The following RYR1 variants were observed in gnomAD, a reference collection of about 807,000 sequenced individuals.
RYR1 encodes ryanodine receptor 1.
Under a neutral mutation model 583.5 loss-of-function variants are expected in RYR1, and 342 were observed. That is an observed-to-expected ratio of 0.59 (90% CI 0.54 to 0.64). RYR1 has a LOEUF of 0.64. RYR1 is among the 30% of genes least tolerant of loss of function. The probability of loss-of-function intolerance (pLI) is 0.00; values close to 1 mark genes in which losing one functional copy is unlikely to be tolerated. For missense variants in RYR1, 6,032 were observed against 6,917.2 expected (o/e 0.87, Z 4.54); for synonymous variants, 2,791 against 2,822.5 (o/e 0.99, Z 0.35).
At chr19:38,516,948 G>C (rs1031348015) in intron 65 of RYR1, among the ~76,000 whole-genome samples, 5 of 152,136 alleles carry the variant, frequency 3.3e-5, no homozygotes, top group Non-Finnish European at 7.3e-5. Flanking sequence ...CAGCAAGTGA[G>C]CAAGTGACAG....
rs767200020 is a variant in RYR1 at position 38,492,530 on chromosome 19, G to A, written c.6168G>A (p.Glu2056=). 7 of 1,614,136 alleles carry A rather than the reference G, an allele frequency of 4.3e-6. No homozygotes were observed. Among genetic ancestry groups the A allele is most frequent in the Middle Eastern group, 1.6e-4 (1 of 6,062 alleles). The change falls in exon 38 of 106, where the codon GAG becomes GAA. Residue 2056 remains glutamate, a synonymous_variant. Transcript: ENST00000359596. The part of the protein sequence containing the change: ...LDGEEEEPEE[E]TTLGSRLMSL... ...GAGAGGAGGAGGAACCAGAGGAAGAGACCACCCTGGGCAGCCGCCTCATGA... is the reference window on the plus strand; with the variant it reads ...GAGAGGAGGAGGAACCAGAGGAAGAAACCACCCTGGGCAGCCGCCTCATGA...
intron 23 of RYR1, 102 bp from the exon 24 acceptor site, chr19:38,465,989 G>A (rs1393903737): frequency 1.7e-5 from 19 of 1,137,990 alleles, no homozygotes; most frequent in East Asian, 2.6e-5. Context: ...GGTCAGAAAC[G>A]CCGAAGCTGG....
At position 38,507,700 on chromosome 19, in the gene RYR1, A is replaced by G. The variant is rs1014453524; in HGVS notation, c.8817-12A>G. ...CGTCTGGGCTGATCCTTCTCTCCAC[A>G]TCTCCATGCAGAGGCCTTAAGGACA... On this transcript the variant is annotated splice_polypyrimidine_tract_variant and intron_variant, in intron 57 of 105. Coordinates refer to ENST00000359596, the MANE Select transcript of RYR1 (RefSeq NM_000540.3). 2.6e-6 allele frequency: 4 copies of G among 1,558,924 alleles called. No homozygotes were observed. Among genetic ancestry groups the G allele is most frequent in the Non-Finnish European group, 3.5e-6 (4 of 1,129,966 alleles).
chr19:38,527,112 G>A, intron 72 of RYR1, 60 bp downstream of exon 72: 1 of 1,574,452 alleles, frequency 6.4e-7, no homozygotes, highest in Admixed American at 1.7e-5. Flanking sequence ...CAATATTAGT[G>A]AAGGTTTGAG....
In RYR1 at chr19:38,531,350, C is replaced by T. The variant is rs185613439; in HGVS notation, c.11142-1140C>T. Among the ~76,000 whole-genome samples, 280 of 152,004 alleles carry T rather than the reference C, an allele frequency of 1.8e-3. 2 individuals are homozygous for T. Among genetic ancestry groups the T allele is most frequent in the Admixed American group, 9.6e-3 (146 of 15,252 alleles). On this transcript the variant is annotated intron_variant, in intron 76 of 105. Coordinates refer to ENST00000359596, the MANE Select transcript of RYR1 (RefSeq NM_000540.3). The stretch of plus-strand genomic sequence containing the variant: ...CGAGAAGGGTCTTTGTATCTTAGTT[C>T]CCCCACCGATAAAATAGGGCTATTA...
rs1023597741 is a variant in RYR1 at position 38,452,873 on chromosome 19, G to A, written c.1299G>A (p.Thr433=). The A allele has an allele frequency of 3.5e-5, 57 of 1,610,318 alleles. No homozygotes were observed. The highest frequency in any genetic ancestry group is 4.4e-5 in the Non-Finnish European group (52 of 1,178,400). ...GGGGCTCGGGGCCACCCGCTGGCACGGCGCTGCCCATCGAGGGCGTTATCC... is the reference window on the plus strand; with the variant it reads ...GGGGCTCGGGGCCACCCGCTGGCACAGCGCTGCCCATCGAGGGCGTTATCC... ...KPRGSGPPAG[T]ALPIEGVILS... is the part of the protein sequence containing the mutation. The change falls in exon 13 of 106, where the codon ACG becomes ACA. Residue 433 remains threonine (T), a synonymous_variant. Coordinates refer to ENST00000359596, the MANE Select transcript of RYR1 (RefSeq NM_000540.3).
intron 33 of RYR1, among the ~76,000 whole-genome samples, chr19:38,484,351 G>A (rs929108394): frequency 8.0e-5 from 12 of 150,882 alleles, no homozygotes; most frequent in Admixed American, 7.3e-4. Context: ...CTTCTGACAT[G>A]CCTCTTTCTT....
rs1410188704 is a variant in RYR1 at position 38,565,270 on chromosome 19, C to CCTGCGGCGGCGCGTGCGGCGG, written c.12947_12967dup (p.Arg4316_Arg4322dup). 12 of 995,076 alleles carry CCTGCGGCGGCGCGTGCGGCGG rather than the reference C, an allele frequency of 1.2e-5. No individual in the cohort carries two copies. Among genetic ancestry groups the CCTGCGGCGGCGCGTGCGGCGG allele is most frequent in the Non-Finnish European group, 1.4e-5 (12 of 838,086 alleles). The allele number at this position is 995,076 out of a possible 1,614,324, so 61.6% of individuals were successfully genotyped here. A position where few individuals can be genotyped will look rare whatever the true frequency, so the allele number is the denominator to read the frequency against. Reference sequence around the variant, plus strand: ...CCCTGCGAGGCCTCAGCTACCGCAGCCTGCGGCGGCGCGTGCGGCGGCTGC... The same window carrying CCTGCGGCGGCGCGTGCGGCGG: ...CCCTGCGAGGCCTCAGCTACCGCAGCCTGCGGCGGCGCGTGCGGCGGCTGCGGCGGCGCGTGCGGCGGCTGC... On this transcript the variant is annotated inframe_insertion, in exon 91 of 106. Transcript: ENST00000359596. The surrounding 1 kb of genome is among the most constrained non-coding windows in gnomAD (Gnocchi z 4.7).
At chr19:38,453,058 G>A in intron 13 of RYR1, 44 bp downstream of exon 13, 1 of 1,599,024 alleles carries the variant, frequency 6.3e-7, no homozygotes, top group Non-Finnish European at 8.5e-7. Flanking sequence ...GGGCCCAGGG[G>A]GCGGGACCAC....
rs1969857288 is a variant in RYR1, at chr19:38,496,881, T to C, written c.6818T>C (p.Leu2273Pro). The C allele has an allele frequency of 6.2e-7, 1 of 1,613,224 alleles. No individual in the cohort carries two copies. Among genetic ancestry groups the C allele is most frequent in the Admixed American group, 1.7e-5 (1 of 60,002 alleles). ...GCAGGCATGCAGGGCTCCACGCCCC[T>C]GGACGTGGCTGCTGCCTCCGTCATT... ...IGLGMQGSTP[L>P]DVAAASVIDN... The change falls in exon 42 of 106, where the codon CTG becomes CCG. Residue 2273 changes from leucine (L) to proline (P), a missense_variant. Physicochemically the swap from Leu to Pro is moderately conservative, Grantham distance 98. This residue lies in a region of RYR1 where 2,627 missense variants were observed against 2,961.3 expected (regional missense o/e 0.89). Transcript: ENST00000359596. The surrounding 1 kb of genome is among the most constrained non-coding windows in gnomAD (Gnocchi z 4.8).
chr19:38,501,156 A>T (rs1224742058), intron 47 of RYR1, among the ~76,000 whole-genome samples, 166 bp downstream of exon 47: 2 of 152,204 alleles, frequency 1.3e-5, no homozygotes, highest in African/African-American at 4.8e-5. Flanking sequence ...AGAAACACTG[A>T]ATTCCGATGA....
In RYR1 at chr19:38,499,356, C is replaced by G. The variant is rs778271908; in HGVS notation, c.7027+113C>G. On this transcript the variant is annotated intron_variant, in intron 43 of 105. Coordinates refer to ENST00000359596, the MANE Select transcript of RYR1 (RefSeq NM_000540.3). The surrounding 1 kb of genome is among the most constrained non-coding windows in gnomAD (Gnocchi z 7.3). ...ACAGATGGGGTCCAGGCAGGAATCCCTTCCAGCAGGCCTGGGGCTGGCAGG... is the reference window on the plus strand; with the variant it reads ...ACAGATGGGGTCCAGGCAGGAATCCGTTCCAGCAGGCCTGGGGCTGGCAGG... 5 of 1,543,224 alleles carry G rather than the reference C, an allele frequency of 3.2e-6. No homozygotes were observed. The highest frequency in any genetic ancestry group is 4.5e-6 in the Non-Finnish European group (5 of 1,121,120).
chr19:38,584,277 C>G, intron 101 of RYR1, among the ~76,000 whole-genome samples: 1 of 135,668 alleles, frequency 7.4e-6, no homozygotes, highest in Non-Finnish European at 1.6e-5. Context: ...CTATCCTGGC[C>G]CTGATCCCTA....
At chr19:38,438,697 C>T (rs1568430053) in intron 1 of RYR1, among the ~76,000 whole-genome samples, 3 of 135,032 alleles carry the variant, frequency 2.2e-5, no homozygotes, top group Admixed American at 8.4e-5. Flanking sequence ...CGGCTCACTA[C>T]AAGCTCCGCC....
In RYR1 at chr19:38,565,345, G is replaced by A; in HGVS notation, c.13011G>A (p.Trp4337Ter). The change falls in exon 91 of 106, where the codon TGG (tryptophan) becomes TGA (stop). Residue 4337 changes from tryptophan to a stop codon, truncating the protein, a stop_gained. Coordinates refer to ENST00000359596, the MANE Select transcript of RYR1 (RefSeq NM_000540.3). LOFTEE classifies it high-confidence loss of function. The surrounding 1 kb of genome is among the most constrained non-coding windows in gnomAD (Gnocchi z 4.7). ...EAATAVAALL[W>*]AAVTRAGAAG... is the part of the protein sequence containing the mutation. The stretch of plus-strand genomic sequence containing the variant: ...CCACCGCAGTGGCGGCGCTGCTCTG[G>A]GCAGCAGTGACGCGCGCTGGGGCCG... The A allele has an allele frequency of 7.8e-7, 1 of 1,289,450 alleles. No individual in the cohort carries two copies. The allele number at this position is 1,289,450 out of a possible 1,614,324, so 79.9% of individuals were successfully genotyped here. A position where few individuals can be genotyped will look rare whatever the true frequency, so the allele number is the denominator to read the frequency against.
intron 13 of RYR1, among the ~76,000 whole-genome samples, chr19:38,454,563 A>G (rs1462947506): frequency 6.6e-6 from 1 of 152,228 alleles, no homozygotes; most frequent in East Asian, 1.9e-4. Flanking sequence ...ACAGAAACAT[A>G]AAAAACAAGG....
At chr19:38,448,956 G>C (rs1600657754) in intron 11 of RYR1, 143 bp downstream of exon 11, 1 of 801,428 alleles carries the variant, frequency 1.2e-6, no homozygotes, top group East Asian at 2.7e-5. Flanking sequence ...AGGGTACTGA[G>C]GGGTGGTGCT....
chr19:38,532,877 C>T, intron 78 of RYR1, 141 bp downstream of exon 78: 3 of 812,192 alleles, frequency 3.7e-6, no homozygotes, highest in Non-Finnish European at 6.1e-6. Context: ...GAGACAGATA[C>T]ACCCGCCAAA....
intron 19 of RYR1, among the ~76,000 whole-genome samples, chr19:38,460,105 A>G (rs892771042): frequency 1.3e-4 from 20 of 152,204 alleles, no homozygotes; most frequent in African/African-American, 4.1e-4. Flanking sequence ...GGACTGTTCC[A>G]TGACCTTGCA....
Sources: allele counts gnomAD v4.1 joint callset (sites outside exome capture counted in the v4.1 genomes callset), GRCh38; gene constraint gnomAD v4.1.1; regional missense constraint gnomAD v4.1.1; non-coding constraint Gnocchi (gnomAD v3.1); transcripts MANE v1.5; gene names NCBI Gene and HGNC (gene_info 2026-07-23, HGNC 2026-07-21).